Variants in ATRNL1 observed in about 807,000 individuals in gnomAD.
ATRNL1 encodes the protein attractin-like protein 1.
In ATRNL1, 95 loss-of-function variants were observed where a neutral mutation model predicts 182.7. That is an observed-to-expected ratio of 0.52 (90% CI 0.44 to 0.62). ATRNL1 has a LOEUF of 0.62. ATRNL1 is among the 20% of genes least tolerant of loss of function. ATRNL1 has a pLI of 0.00. For synonymous variants in ATRNL1, 576 were observed against 568.3 expected, an observed-to-expected ratio of 1.01 and a Z score of -0.19; for missense variants, 1,471 against 1,679.5, an observed-to-expected ratio of 0.88 and a Z score of 2.17.
chr10:115,246,123 C>A (rs1554904024), intron 10 of ATRNL1, among the ~76,000 whole-genome samples: 4 of 152,136 alleles, frequency 2.6e-5, no homozygotes, highest in Non-Finnish European at 5.9e-5. Flanking sequence ...CAGTGCTTGG[C>A]ATGTCACACA....
intron 16 of ATRNL1, among the ~76,000 whole-genome samples, chr10:115,300,782 A>G (rs973865347): frequency 4.1e-4 from 62 of 152,312 alleles, no homozygotes; most frequent in African/African-American, 1.4e-3. Flanking sequence ...TGCCAATTCA[A>G]TGGCATTAAA....
intron 18 of ATRNL1, among the ~76,000 whole-genome samples, chr10:115,332,938 C>T (rs996131836): frequency 3.3e-5 from 5 of 152,108 alleles, no homozygotes; most frequent in African/African-American, 1.2e-4. Flanking sequence ...CAGTCCTGAA[C>T]ACAGCAACTT....
chr10:115,899,861 A>G (rs1011026702), intron 28 of ATRNL1, among the ~76,000 whole-genome samples: 1 of 152,190 alleles, frequency 6.6e-6, no homozygotes, highest in Admixed American at 6.5e-5. Flanking sequence ...AGCCATATAG[A>G]ACATAAAATG....
intron 9 of ATRNL1, among the ~76,000 whole-genome samples, chr10:115,231,979 T>C (rs534763625): frequency 6.6e-6 from 1 of 152,260 alleles, no homozygotes; most frequent in South Asian, 2.1e-4. Context: ...TGAGAGACCC[T>C]TAATGTGCGA....
chr10:115,395,832 TTATC>T (rs1285307103), intron 20 of ATRNL1, among the ~76,000 whole-genome samples: 18 of 151,890 alleles, frequency 1.2e-4, no homozygotes, highest in African/African-American at 3.9e-4. Context: ...TTTTTCTTGT[TTATC>T]TATATTATTA....
chr10:115,516,065 T>G (rs1565122434), intron 24 of ATRNL1, among the ~76,000 whole-genome samples: 1 of 151,884 alleles, frequency 6.6e-6, no homozygotes, highest in African/African-American at 2.4e-5. Flanking sequence ...ACATTTATGT[T>G]CCTTTGATTT....
intron 26 of ATRNL1, among the ~76,000 whole-genome samples, chr10:115,699,438 C>T (rs61707910): frequency 0.012 from 1,779 of 151,906 alleles, 34 homozygotes; most frequent in African/African-American, 0.04. Context: ...TGATTTTTTG[C>T]GTAAGGATAG....
intron 26 of ATRNL1, among the ~76,000 whole-genome samples, chr10:115,639,885 A>G (rs1555029649): frequency 6.6e-6 from 1 of 151,986 alleles, no homozygotes; most frequent in Non-Finnish European, 1.5e-5. Flanking sequence ...TACATGTGCC[A>G]TGGTGGTTTG....
intron 26 of ATRNL1, among the ~76,000 whole-genome samples, chr10:115,576,296 A>C (rs1459134956): frequency 6.6e-6 from 1 of 151,824 alleles, no homozygotes; most frequent in African/African-American, 2.4e-5. Context: ...TCTTTTTTTC[A>C]TTTTTTGAGG....
At chr10:115,731,000 T>G (rs1400645053) in intron 27 of ATRNL1, among the ~76,000 whole-genome samples, 1 of 152,056 alleles carries the variant, frequency 6.6e-6, no homozygotes, top group Non-Finnish European at 1.5e-5. Context: ...TTTTCGTGTT[T>G]TTTTCTGCCT....
intron 9 of ATRNL1, among the ~76,000 whole-genome samples, chr10:115,216,230 T>C (rs1849227154): frequency 6.6e-6 from 1 of 152,222 alleles, no homozygotes; most frequent in African/African-American, 2.4e-5. Flanking sequence ...GCACTGATCT[T>C]TTCATGTACA....
intron 27 of ATRNL1, among the ~76,000 whole-genome samples, chr10:115,809,399 C>T (rs2420118): frequency 0.28 from 42,870 of 151,732 alleles, 7,403 homozygotes; most frequent in African/African-American, 0.5. Context: ...AATCTATGGA[C>T]CAATATAGGG....
chr10:115,456,500 G>A (rs1385314633), intron 21 of ATRNL1, among the ~76,000 whole-genome samples: 1 of 152,120 alleles, frequency 6.6e-6, no homozygotes, highest in African/African-American at 2.4e-5. Flanking sequence ...GACGGGTAAG[G>A]TGAAGAATAG....
chr10:115,322,069 C>T (rs1401979486), intron 18 of ATRNL1, among the ~76,000 whole-genome samples: 3 of 151,728 alleles, frequency 2.0e-5, no homozygotes, highest in Non-Finnish European at 4.4e-5. Context: ...AGATGAAAGA[C>T]CTAGAAACTT....
chr10:115,370,637 A>G (rs1857344494), intron 19 of ATRNL1, among the ~76,000 whole-genome samples: 1 of 152,222 alleles, frequency 6.6e-6, no homozygotes, highest in African/African-American at 2.4e-5. Context: ...CTAAGCAGCA[A>G]AGAATTCAAG....
At chr10:115,397,228 G>A (rs1213501234) in intron 20 of ATRNL1, among the ~76,000 whole-genome samples, 1 of 151,784 alleles carries the variant, frequency 6.6e-6, no homozygotes, top group Non-Finnish European at 1.5e-5. Flanking sequence ...AATAACATAT[G>A]GTTTTTGTTG....
intron 25 of ATRNL1, among the ~76,000 whole-genome samples, chr10:115,544,971 TA>T (rs1852565634): frequency 6.6e-6 from 1 of 152,326 alleles, no homozygotes; most frequent in African/African-American, 2.4e-5. Context: ...TTTGTATGTA[TA>T]TTTTTTAAGA....
In ATRNL1 at chr10:115,350,335, AAAAAAAAAAAG is replaced by A. The variant is rs1479678235; in HGVS notation, c.3175+15927_3175+15937del. On this transcript the variant is annotated intron_variant, in intron 19 of 28. Coordinates refer to ENST00000355044, the MANE Select transcript of ATRNL1 (RefSeq NM_207303.4). ...TGGTGACAGAGCAAGACTCTGTCTC[AAAAAAAAAAAG>A]AAAAAAAAAAAAAAAAAAGAATTTC... Among the ~76,000 whole-genome samples, 15 of 32,394 alleles carry A rather than the reference AAAAAAAAAAAG, an allele frequency of 4.6e-4. 1 individual carries two copies. The highest frequency in any genetic ancestry group is 1.4e-3 in the South Asian group (1 of 702). The allele number at this position is 32,394 out of a possible 152,430, so 21.3% of individuals were successfully genotyped here. A position where few individuals can be genotyped will look rare whatever the true frequency, so the allele number is the denominator to read the frequency against.
chr10:115,727,157 A>T (rs1555060379), intron 26 of ATRNL1, 91 bp from the exon 27 acceptor site: 1 of 846,864 alleles, frequency 1.2e-6, no homozygotes, highest in East Asian at 2.6e-5. Context: ...TAACTTTTCA[A>T]TGCCATTTGT....
Sources: allele counts gnomAD v4.1 joint callset (sites outside exome capture counted in the v4.1 genomes callset), GRCh38; gene constraint gnomAD v4.1.1; transcripts MANE v1.5; gene names NCBI Gene and HGNC (gene_info 2026-07-23, HGNC 2026-07-21).